OLA1: variants seen among roughly 807,000 people sequenced by gnomAD.
The protein encoded by OLA1 is obg-like ATPase 1.
A neutral mutation model predicts 48.4 loss-of-function variants in OLA1; 14 were observed. That is an observed-to-expected ratio of 0.29 (90% CI 0.19 to 0.45). OLA1 has a LOEUF of 0.45. Ranked by LOEUF, OLA1 falls within the 20% of genes least tolerant of loss-of-function variation. The pLI is 1.00. For missense variants in OLA1, 325 were observed against 467.1 expected (o/e 0.70, Z 2.80); for synonymous variants, 127 against 150.4 (o/e 0.84, Z 1.14).
chr2:174,224,247 T>C (rs113226315), intron 3 of OLA1, among the ~76,000 whole-genome samples: 4 of 152,292 alleles, frequency 2.6e-5, no homozygotes, highest in African/African-American at 7.2e-5. Context: ...TTTTTTGTTG[T>C]TGGACACAGT....
At chr2:174,222,854 C>T (rs971555471) in intron 4 of OLA1, among the ~76,000 whole-genome samples, 179 bp downstream of exon 4, 6 of 152,152 alleles carry the variant, frequency 3.9e-5, no homozygotes, top group Non-Finnish European at 1.5e-5. Flanking sequence ...TGGAATAAGC[C>T]TTCAGATACG....
Position 174,229,376 on chromosome 2 carries a change from A to G in OLA1, c.177T>C (p.Pro59=), listed in dbSNP as rs775356907. 2.4e-5 allele frequency: 38 copies of G among 1,613,318 alleles called. No homozygotes were observed. Among genetic ancestry groups the G allele is most frequent in the Non-Finnish European group, 3.1e-5 (36 of 1,179,782 alleles). The change falls in exon 3 of 11, where the codon CCT becomes CCC. Residue 59 remains proline (P), a synonymous_variant. Coordinates refer to ENST00000284719, the MANE Select transcript of OLA1 (RefSeq NM_013341.5). ...AENFPFCTID[P]NESRVPVPDE... is the part of the protein sequence containing the mutation. The stretch of plus-strand genomic sequence containing the variant: ...CTGGCACAGGTACTCTGCTCTCATT[A>G]GGATCAATAGTGCAGAACGGGAAGT...
intron 4 of OLA1, among the ~76,000 whole-genome samples, chr2:174,163,770 AT>A (rs1687088689): frequency 3.8e-5 from 1 of 26,422 alleles, no homozygotes; most frequent in East Asian, 4.9e-3. Flanking sequence ...ATATATATAT[AT>A]ATATAAATAA....
intron 7 of OLA1, among the ~76,000 whole-genome samples, chr2:174,103,872 G>C (rs1178625002): frequency 6.6e-6 from 1 of 152,132 alleles, no homozygotes; most frequent in Non-Finnish European, 1.5e-5. Context: ...GAACAAAAGG[G>C]AATCTGGGGG....
chr2:174,115,149 AAT>A (rs1298991914), intron 7 of OLA1, among the ~76,000 whole-genome samples: 1 of 152,220 alleles, frequency 6.6e-6, no homozygotes, highest in East Asian at 1.9e-4. Context: ...AGGCCAATGT[AAT>A]AGTGTAATGA....
chr2:174,153,269 G>A (rs967848294), intron 4 of OLA1, among the ~76,000 whole-genome samples: 1 of 152,088 alleles, frequency 6.6e-6, no homozygotes, highest in Admixed American at 6.5e-5. Flanking sequence ...GAATAATAAA[G>A]TGGGTCAATT....
chr2:174,181,544 A>C (rs67811957), intron 4 of OLA1, among the ~76,000 whole-genome samples: 16,819 of 152,108 alleles, frequency 0.11, 2,179 homozygotes, highest in East Asian at 0.7. Context: ...AGGGAAGCAG[A>C]TTTCACGTGC....
At chr2:174,114,406 G>A (rs1685734277) in intron 7 of OLA1, among the ~76,000 whole-genome samples, 1 of 148,270 alleles carries the variant, frequency 6.7e-6, no homozygotes, top group African/African-American at 2.5e-5. Flanking sequence ...GAGGAAGCGG[G>A]GAAGCAGGAC....
At chr2:174,247,286 C>G (rs1689145892) in intron 1 of OLA1, 1 of 178,070 alleles carries the variant, frequency 5.6e-6, no homozygotes, top group African/African-American at 2.4e-5. Flanking sequence ...GGCTCGAGAA[C>G]TGCTTGAACT....
At chr2:174,231,505 G>A (rs1401913841) in intron 2 of OLA1, among the ~76,000 whole-genome samples, 2 of 152,040 alleles carry the variant, frequency 1.3e-5, no homozygotes, top group East Asian at 1.9e-4. Flanking sequence ...AATTTATGGC[G>A]ATTACTGTGT....
intron 3 of OLA1, among the ~76,000 whole-genome samples, chr2:174,226,070 G>GGTTT (rs1688611577): frequency 9.9e-6 from 1 of 101,130 alleles, no homozygotes; most frequent in Non-Finnish European, 2.0e-5. Flanking sequence ...GTAGTGGCGG[G>GGTTT]CGCCTGTAGT....
At chr2:174,150,475 T>A (rs547202425) in intron 4 of OLA1, among the ~76,000 whole-genome samples, 1 of 152,312 alleles carries the variant, frequency 6.6e-6, no homozygotes, top group East Asian at 1.9e-4. Flanking sequence ...GAAAACATAT[T>A]AAGATACCTT....
chr2:174,111,158 G>A (rs551124917), intron 7 of OLA1, among the ~76,000 whole-genome samples: 1 of 152,166 alleles, frequency 6.6e-6, no homozygotes, highest in South Asian at 2.1e-4. Context: ...TCTCTGACAG[G>A]TGAGGAAACC....
rs138738137 is a variant in OLA1 at position 174,085,585 on chromosome 2, C to T, written c.729-3521G>A. ...GACCGCTTGTCTACAGATTCTTCGG[C>T]AGAATGAGACCATTAGTATTAAATT... On this transcript the variant is annotated intron_variant, in intron 7 of 10. Transcript: ENST00000284719. Among the ~76,000 whole-genome samples the T allele has an allele frequency of 2.7e-4, 41 of 152,266 alleles. No homozygotes were observed. In the East Asian group the frequency reaches 7.5e-3, roughly 28 times the overall value.
chr2:174,195,884 T>C (rs1446148368), intron 4 of OLA1, among the ~76,000 whole-genome samples: 1 of 152,206 alleles, frequency 6.6e-6, no homozygotes, highest in Non-Finnish European at 1.5e-5. Flanking sequence ...TGAGTAATTT[T>C]ATTCCATTAG....
At chr2:174,163,762 A>G (rs1227871665) in intron 4 of OLA1, among the ~76,000 whole-genome samples, 2 of 30,192 alleles carry the variant, frequency 6.6e-5, no homozygotes, top group Non-Finnish European at 1.3e-4. Flanking sequence ...ATATATATAT[A>G]TATATATATA....
At chr2:174,242,225 A>G (rs1689019425) in intron 2 of OLA1, among the ~76,000 whole-genome samples, 1 of 152,202 alleles carries the variant, frequency 6.6e-6, no homozygotes, top group South Asian at 2.1e-4. Flanking sequence ...TCCACGGACC[A>G]AGGGTGTGGG....
At chr2:174,113,217 T>C (rs1216102474) in intron 7 of OLA1, among the ~76,000 whole-genome samples, 1 of 152,202 alleles carries the variant, frequency 6.6e-6, no homozygotes, top group African/African-American at 2.4e-5. Flanking sequence ...AGTGCTGGGA[T>C]TACAGGCTTA....
At chr2:174,167,788 A>G (rs1687200653) in intron 4 of OLA1, among the ~76,000 whole-genome samples, 2 of 152,220 alleles carry the variant, frequency 1.3e-5, no homozygotes, top group Admixed American at 6.5e-5. Context: ...CTGTCTTAGT[A>G]TGCATGCTAT....
Sources: allele counts gnomAD v4.1 joint callset (sites outside exome capture counted in the v4.1 genomes callset), GRCh38; gene constraint gnomAD v4.1.1; transcripts MANE v1.5; gene names NCBI Gene and HGNC (gene_info 2026-07-23, HGNC 2026-07-21).